Variants in DZIP3 observed in about 807,000 individuals in gnomAD.
DZIP3 encodes the protein DAZ interacting zinc finger protein 3, also known as E3 ubiquitin-protein ligase DZIP3.
A neutral mutation model predicts 162.0 loss-of-function variants in DZIP3; 118 were observed. The ratio of observed to expected loss-of-function variants is 0.73; its 90% CI spans 0.63 to 0.85. The LOEUF (loss-of-function observed/expected upper bound fraction) is 0.85, where lower values mean the gene tolerates loss of function less well. Among genes scored for constraint, DZIP3 ranks in the 40% least tolerant of loss-of-function variants. The pLI is 0.00. For synonymous variants in DZIP3, 438 were observed against 458.6 expected (o/e 0.96, Z 0.57); for missense variants, 1,331 against 1,407.0 (o/e 0.95, Z 0.86).
chr3:108,666,147 G>A (rs1943666911), intron 21 of DZIP3, among the ~76,000 whole-genome samples: 2 of 152,044 alleles, frequency 1.3e-5, no homozygotes, highest in African/African-American at 4.8e-5. Flanking sequence ...TTCAATGTAT[G>A]TAGAAGAAAC....
intron 19 of DZIP3, among the ~76,000 whole-genome samples, chr3:108,655,284 G>GT (rs1190090308): frequency 6.6e-6 from 1 of 152,158 alleles, no homozygotes; most frequent in African/African-American, 2.4e-5. Flanking sequence ...TTACAATCTA[G>GT]TGGATAAGTT....
intron 1 of DZIP3, among the ~76,000 whole-genome samples, chr3:108,593,510 AAAAG>A (rs1441071855): frequency 6.6e-6 from 1 of 152,152 alleles, no homozygotes; most frequent in African/African-American, 2.4e-5. Flanking sequence ...TTACCATTGA[AAAAG>A]AAATTGGAAG....
In DZIP3 at chr3:108,694,424, A is replaced by AAAAG. The variant is rs1559793706; in HGVS notation, c.*1077_*1080dup. 1.3e-5 allele frequency: 2 copies of AAAAG among 158,566 alleles called. No individual in the cohort carries two copies. The highest frequency in any genetic ancestry group is 4.8e-5 in the African/African-American group (2 of 41,560). The allele number at this position is 158,566 out of a possible 1,614,324, so 9.8% of individuals were successfully genotyped here. A position where few individuals can be genotyped will look rare whatever the true frequency, so the allele number is the denominator to read the frequency against. On this transcript the variant is annotated 3_prime_UTR_variant, in exon 33 of 33. Coordinates refer to ENST00000361582, the MANE Select transcript of DZIP3 (RefSeq NM_014648.4). ...ACATACCTGAGATTGGGCAATTTACAAAAGAAAGAGGTTTAACGGACTTAC... is the reference window on the plus strand; with the variant it reads ...ACATACCTGAGATTGGGCAATTTACAAAAGAAAGAAAGAGGTTTAACGGACTTAC...
At chr3:108,693,176 A>G (rs1194425218) in intron 32 of DZIP3, among the ~76,000 whole-genome samples, 184 bp from the exon 33 acceptor site, 1 of 151,598 alleles carries the variant, frequency 6.6e-6, no homozygotes, top group Non-Finnish European at 1.5e-5. Context: ...TTATAAATGC[A>G]TGACTGGGGA....
At chr3:108,627,046 T>C (rs1216134784) in intron 7 of DZIP3, among the ~76,000 whole-genome samples, 1 of 152,220 alleles carries the variant, frequency 6.6e-6, no homozygotes, top group African/African-American at 2.4e-5. Flanking sequence ...ACAAGACATC[T>C]CACTTCTTGT....
At chr3:108,650,423 A>AT (rs781731277) in intron 17 of DZIP3, among the ~76,000 whole-genome samples, 34 of 151,886 alleles carry the variant, frequency 2.2e-4, no homozygotes, top group South Asian at 6.2e-4. Flanking sequence ...AGCTAAATGA[A>AT]TTTGTATATA....
chr3:108,660,603 A>G (rs1352044442), intron 19 of DZIP3, among the ~76,000 whole-genome samples: 33 of 149,080 alleles, frequency 2.2e-4, no homozygotes, highest in South Asian at 6.4e-4. Flanking sequence ...CTAAAACACC[A>G]AAAGCAATGG....
chr3:108,648,322 T>C (rs1942720455), intron 16 of DZIP3: 1 of 427,594 alleles, frequency 2.3e-6, no homozygotes, highest in African/African-American at 2.1e-5. Context: ...TGCCACCATT[T>C]CTTAAACACT....
At chr3:108,638,905 A>G (rs1335030368) in intron 12 of DZIP3, among the ~76,000 whole-genome samples, 1 of 152,216 alleles carries the variant, frequency 6.6e-6, no homozygotes, top group Non-Finnish European at 1.5e-5. Context: ...AACCTTGTAC[A>G]CAGCTGAACT....
rs745561787 is a variant in DZIP3 at position 108,637,472 on chromosome 3, AT to A, written c.1012-16del. ...TTGAAAATTGAACTACTTTAGGGCT[AT>A]TTTTTTTCCCCATTACTTGCAGTTT... On this transcript the variant is annotated intron_variant, in intron 11 of 32. Coordinates refer to ENST00000361582, the MANE Select transcript of DZIP3 (RefSeq NM_014648.4). 2.3e-5 allele frequency: 37 copies of A among 1,604,644 alleles called. 1 individual carries two copies. Among genetic ancestry groups the A allele is most frequent in the South Asian group, 1.0e-4 (9 of 89,502 alleles).
intron 21 of DZIP3, among the ~76,000 whole-genome samples, chr3:108,667,045 T>G (rs1943710359): frequency 6.6e-6 from 1 of 151,876 alleles, no homozygotes; most frequent in Non-Finnish European, 1.5e-5. Context: ...GGGAGCAGGA[T>G]GCAGTGGTGC....
rs1032300342 is a variant in DZIP3, at chr3:108,690,816, G to C, written c.3546G>C (p.Gly1182=). 1.2e-6 allele frequency: 2 copies of C among 1,613,962 alleles called. No individual in the cohort carries two copies. The highest frequency in any genetic ancestry group is 1.7e-6 in the Non-Finnish European group (2 of 1,179,946). Residue 1182 remains glycine (G), a synonymous_variant, in exon 32 of 33, where the codon GGG becomes GGC. Coordinates refer to ENST00000361582, the MANE Select transcript of DZIP3 (RefSeq NM_014648.4). ...QCIRPWLMQQ[G]TCPTCRLHVL... is the part of the protein sequence containing the mutation. ...TTAGACCATGGTTGATGCAACAGGG[G>C]ACATGTCCAACGTGCAGACTCCACG...
intron 13 of DZIP3, among the ~76,000 whole-genome samples, chr3:108,643,125 T>C (rs1159717745): frequency 1.3e-5 from 2 of 152,186 alleles, no homozygotes; most frequent in Admixed American, 1.3e-4. Flanking sequence ...AAAACGTTAA[T>C]TTAATAAATC....
chr3:108,665,938 T>C (rs758879795), intron 21 of DZIP3, among the ~76,000 whole-genome samples: 1 of 152,192 alleles, frequency 6.6e-6, no homozygotes, highest in Non-Finnish European at 1.5e-5. Context: ...CAAATTCATA[T>C]ATCTTACCGT....
chr3:108,644,089 G>A (rs1329748300), intron 13 of DZIP3, 75 bp from the exon 14 acceptor site: 16 of 1,492,958 alleles, frequency 1.1e-5, no homozygotes, highest in Non-Finnish European at 1.3e-5. Context: ...CAGGAGCTTA[G>A]GATACAATGT....
intron 29 of DZIP3, 50 bp downstream of exon 29, chr3:108,688,146 T>C: frequency 6.3e-7 from 1 of 1,599,442 alleles, no homozygotes; most frequent in Non-Finnish European, 8.5e-7. Flanking sequence ...CCCTTAACTC[T>C]AGTAGTTAAC....
chr3:108,670,357 T>C (rs1004462355), intron 22 of DZIP3, among the ~76,000 whole-genome samples: 4 of 151,932 alleles, frequency 2.6e-5, no homozygotes, highest in African/African-American at 9.7e-5. Context: ...TGGATTTGCC[T>C]CTTTTGGACA....
At position 108,642,421 on chromosome 3, in the gene DZIP3, T is replaced by A; in HGVS notation, c.1065-17T>A. ...TTATTTTATTTCCACTATAACTTAA[T>A]TTTTTTCCTTTTGCAGTTATAGAAA... On this transcript the variant is annotated splice_polypyrimidine_tract_variant and intron_variant, in intron 12 of 32. Transcript: ENST00000361582. The A allele has an allele frequency of 5.5e-6, 8 of 1,467,368 alleles. No individual in the cohort carries two copies. Among genetic ancestry groups the A allele is most frequent in the Non-Finnish European group, 7.4e-6 (8 of 1,087,342 alleles). The allele number at this position is 1,467,368 out of a possible 1,614,324, so 90.9% of individuals were successfully genotyped here. A position where few individuals can be genotyped will look rare whatever the true frequency, so the allele number is the denominator to read the frequency against.
At chr3:108,636,468 C>T in intron 10 of DZIP3, 148 bp from the exon 11 acceptor site, 2 of 476,882 alleles carry the variant, frequency 4.2e-6, no homozygotes, top group Non-Finnish European at 7.3e-6. Flanking sequence ...TGAAATGGAC[C>T]ATCTTTTAAC....
Sources: gnomAD v4.1 joint callset for allele counts (sites outside exome capture counted in the v4.1 genomes callset) on GRCh38, gnomAD v4.1.1 for gene constraint, MANE v1.5 for transcripts, NCBI Gene and HGNC (gene_info 2026-07-23, HGNC 2026-07-21) for gene names.